Variants in PXDNL observed in about 807,000 individuals in gnomAD.
The protein encoded by PXDNL is peroxidasin like.
In PXDNL, 145 loss-of-function variants were observed where a neutral mutation model predicts 150.8. The observed-to-expected ratio is 0.96, with a 90% CI of 0.84 to 1.10. The LOEUF (loss-of-function observed/expected upper bound fraction) is 1.10. PXDNL is among the 50% of genes least tolerant of loss of function. The pLI is 0.00. For synonymous variants in PXDNL, 757 were observed against 725.7 expected (o/e 1.04, Z -0.69); for missense variants, 2,087 against 1,873.9 (o/e 1.11, Z -2.10).
intron 5 of PXDNL, among the ~76,000 whole-genome samples, chr8:51,485,185 GC>G (rs778620474): frequency 3.9e-5 from 6 of 152,118 alleles, no homozygotes; most frequent in Admixed American, 1.3e-4. Flanking sequence ...GTGAGCTGGG[GC>G]CAAACTATTT....
At chr8:51,713,932 C>T (rs1816551841) in intron 1 of PXDNL, among the ~76,000 whole-genome samples, 2 of 152,108 alleles carry the variant, frequency 1.3e-5, no homozygotes, top group South Asian at 4.1e-4. Context: ...CTTTAATTCC[C>T]TACATATTTA....
intron 1 of PXDNL, among the ~76,000 whole-genome samples, chr8:51,713,913 T>G (rs1816551355): frequency 1.3e-5 from 2 of 152,218 alleles, no homozygotes; most frequent in South Asian, 2.1e-4. Flanking sequence ...TTACCTTTCC[T>G]CCCTATCACT....
chr8:51,661,974 GTTC>G (rs776018369), intron 1 of PXDNL, among the ~76,000 whole-genome samples: 1 of 151,090 alleles, frequency 6.6e-6, no homozygotes, highest in Non-Finnish European at 1.5e-5. Context: ...CTTTGTAAAA[GTTC>G]TTCTATCTAG....
chr8:51,357,442 A>G (rs1560509), intron 19 of PXDNL, among the ~76,000 whole-genome samples: 111,563 of 152,162 alleles, frequency 0.73, 41,455 homozygotes, highest in East Asian at 0.94. Flanking sequence ...AAAGATAAGT[A>G]ATTATACAGA....
chr8:51,319,769 C>T lies in PXDNL; in HGVS notation c.*122G>A, dbSNP rs544181382. ...GTAAGTATATGTAAGATTAGATGAA[C>T]TAAGTTGCTTAAGTCAGTGGTTTCC... On this transcript the variant is annotated 3_prime_UTR_variant, in exon 23 of 23. Transcript: ENST00000356297. 13 of 764,018 alleles carry T rather than the reference C, an allele frequency of 1.7e-5. No homozygotes were observed. In the Admixed American group the frequency reaches 3.4e-4, roughly 20 times the overall value. 47.3% of individuals were successfully genotyped at this position (764,018 alleles called of 1,614,324 possible).
chr8:51,494,434 A>C (rs1007066101), intron 5 of PXDNL, among the ~76,000 whole-genome samples: 1 of 152,152 alleles, frequency 6.6e-6, no homozygotes, highest in African/African-American at 2.4e-5. Context: ...TAACAATATT[A>C]ACCTTAAATG....
At chr8:51,452,477 G>A (rs1436035024) in intron 10 of PXDNL, among the ~76,000 whole-genome samples, 3 of 152,162 alleles carry the variant, frequency 2.0e-5, no homozygotes, top group Non-Finnish European at 2.9e-5. Context: ...GCTATTAAAG[G>A]AGTTGATGCT....
intron 2 of PXDNL, among the ~76,000 whole-genome samples, chr8:51,653,593 C>T (rs953558525): frequency 7.2e-5 from 11 of 152,114 alleles, no homozygotes; most frequent in Non-Finnish European, 2.9e-5. Context: ...AGAATAAACC[C>T]TGCAGTCCTT....
chr8:51,378,851 A>G lies in PXDNL; in HGVS notation c.3558-4120T>C, dbSNP rs1183288624. Among the ~76,000 whole-genome samples the G allele has an allele frequency of 1.1e-4, 17 of 151,880 alleles. No homozygotes were observed. In the East Asian group the frequency reaches 3.3e-3, roughly 29 times the overall value. On this transcript the variant is annotated intron_variant, in intron 17 of 22. Transcript: ENST00000356297. ...CCACCAGAAGGAAGAAACTCTGAAC[A>G]TGTTCGAACATCAGAAGGAACAAAC...
At chr8:51,576,019 C>T (rs530337775) in intron 3 of PXDNL, among the ~76,000 whole-genome samples, 26 of 149,448 alleles carry the variant, frequency 1.7e-4, no homozygotes, top group Non-Finnish European at 3.0e-4. Flanking sequence ...AGAAAACATG[C>T]GAAGCAAAAA....
chr8:51,579,341 G>C (rs930395650), intron 3 of PXDNL, among the ~76,000 whole-genome samples: 28 of 152,010 alleles, frequency 1.8e-4, no homozygotes, highest in African/African-American at 6.5e-4. Flanking sequence ...AAATGTTCAT[G>C]ACAGATGTTC....
At chr8:51,652,462 A>C (rs34906892) in intron 2 of PXDNL, among the ~76,000 whole-genome samples, 78,895 of 130,522 alleles carry the variant, frequency 0.6, 25,031 homozygotes, top group Non-Finnish European at 0.72. Context: ...CACACACACA[A>C]ACACACACAC....
chr8:51,541,048 A>G (rs1812205886), intron 4 of PXDNL, among the ~76,000 whole-genome samples: 2 of 152,086 alleles, frequency 1.3e-5, no homozygotes, highest in Non-Finnish European at 1.5e-5. Context: ...TCACAAGGTC[A>G]ATAGATCGAG....
At chr8:51,366,531 G>A (rs1451693672) in intron 19 of PXDNL, among the ~76,000 whole-genome samples, 1 of 152,148 alleles carries the variant, frequency 6.6e-6, no homozygotes, top group African/African-American at 2.4e-5. Flanking sequence ...ACATCTGTAT[G>A]TGTACACACC....
intron 1 of PXDNL, among the ~76,000 whole-genome samples, chr8:51,794,413 G>A (rs1183177552): frequency 5.3e-5 from 8 of 152,054 alleles, no homozygotes; most frequent in Non-Finnish European, 8.8e-5. Flanking sequence ...GGCACCTGGA[G>A]AGAAAGGCCA....
At chr8:51,692,203 A>T (rs779325102) in intron 1 of PXDNL, among the ~76,000 whole-genome samples, 4 of 152,238 alleles carry the variant, frequency 2.6e-5, no homozygotes, top group Non-Finnish European at 5.9e-5. Flanking sequence ...AACTACAAGG[A>T]TCTGACTGAT....
At chr8:51,503,712 A>G (rs1172006008) in intron 4 of PXDNL, among the ~76,000 whole-genome samples, 1 of 152,182 alleles carries the variant, frequency 6.6e-6, no homozygotes, top group Non-Finnish European at 1.5e-5. Context: ...TTATCCCTTT[A>G]TTTAAAGCAG....
At chr8:51,628,815 A>G (rs1814424034) in intron 2 of PXDNL, among the ~76,000 whole-genome samples, 1 of 152,188 alleles carries the variant, frequency 6.6e-6, no homozygotes, top group South Asian at 2.1e-4. Flanking sequence ...ACATGTAACA[A>G]AAAGAAGACT....
intron 1 of PXDNL, among the ~76,000 whole-genome samples, chr8:51,792,111 T>TC (rs1394049067): frequency 6.6e-6 from 1 of 151,522 alleles, no homozygotes; most frequent in Admixed American, 6.6e-5. Flanking sequence ...AGAAGAGCAA[T>TC]CAGCTACTTG....
Sources: gnomAD v4.1 joint callset for allele counts (sites outside exome capture counted in the v4.1 genomes callset) on GRCh38, gnomAD v4.1.1 for gene constraint, MANE v1.5 for transcripts, NCBI Gene and HGNC (gene_info 2026-07-23, HGNC 2026-07-21) for gene names.